CSMD1: variants seen among roughly 807,000 people sequenced by gnomAD.
The protein encoded by CSMD1 is CUB and Sushi multiple domains 1.
CSMD1 carries 213 observed loss-of-function variants against 417.5 expected under a neutral mutation model. The ratio of observed to expected loss-of-function variants is 0.51; its 90% confidence interval spans 0.46 to 0.57. The LOEUF is 0.57. Ranked by LOEUF, CSMD1 falls within the 20% of genes least tolerant of loss-of-function variation. CSMD1 has a pLI of 0.00. For synonymous variants in CSMD1, 2,862 were observed against 1,736.8 expected, an observed-to-expected ratio of 1.65 and a Z score of -16.11; for missense variants, 6,923 against 4,529.7, an observed-to-expected ratio of 1.53 and a Z score of -15.17.
At chr8:3,236,623 T>G (rs1261851812) in intron 26 of CSMD1, among the ~76,000 whole-genome samples, 1 of 152,228 alleles carries the variant, frequency 6.6e-6, no homozygotes, top group Non-Finnish European at 1.5e-5. Flanking sequence ...GGGCAGAAAC[T>G]GCTTTTCCAC....
At chr8:4,916,645 A>T (rs942850638) in intron 1 of CSMD1, among the ~76,000 whole-genome samples, 1 of 152,210 alleles carries the variant, frequency 6.6e-6, no homozygotes, top group Non-Finnish European at 1.5e-5. Context: ...CTCCAATAAA[A>T]ATACTTTACA....
chr8:4,421,777 G>GAAAAAAACA (rs1797259153), intron 2 of CSMD1, among the ~76,000 whole-genome samples: 1 of 148,082 alleles, frequency 6.8e-6, no homozygotes, highest in East Asian at 2.0e-4. Flanking sequence ...AACTATAAAA[G>GAAAAAAACA]AAAAAAACAA....
intron 3 of CSMD1, among the ~76,000 whole-genome samples, chr8:4,414,050 C>A (rs1796795213): frequency 6.6e-6 from 1 of 151,962 alleles, no homozygotes; most frequent in South Asian, 2.1e-4. Flanking sequence ...GGAAACATTT[C>A]TATCCTGCCA....
intron 10 of CSMD1, among the ~76,000 whole-genome samples, chr8:3,560,286 A>G (rs904695033): frequency 2.0e-5 from 3 of 152,196 alleles, no homozygotes; most frequent in Non-Finnish European, 4.4e-5. Flanking sequence ...GCATTTCCAC[A>G]TGCATCATTT....
chr8:3,435,100 G>C (rs76922189), intron 12 of CSMD1, among the ~76,000 whole-genome samples: 7,847 of 152,150 alleles, frequency 0.052, 260 homozygotes, highest in East Asian at 0.16. Context: ...AAGAGAGACG[G>C]AGAGACAGCA....
intron 5 of CSMD1, among the ~76,000 whole-genome samples, chr8:3,917,601 G>C (rs965738223): frequency 1.4e-5 from 1 of 71,776 alleles, no homozygotes; most frequent in Non-Finnish European, 2.8e-5. Flanking sequence ...GTTCAGATTG[G>C]CTTCATATTT....
At chr8:4,980,985 T>G (rs1810858297) in intron 1 of CSMD1, among the ~76,000 whole-genome samples, 1 of 152,194 alleles carries the variant, frequency 6.6e-6, no homozygotes, top group Admixed American at 6.5e-5. Context: ...TCTTCAATTT[T>G]TTTAAATTTA....
chr8:3,755,062 T>C (rs938341755), intron 5 of CSMD1, among the ~76,000 whole-genome samples: 3 of 152,352 alleles, frequency 2.0e-5, no homozygotes, highest in Admixed American at 6.5e-5. Context: ...TCAGAAACAA[T>C]CATGTGTTTT....
At chr8:3,235,652 C>A (rs1799105148) in intron 26 of CSMD1, among the ~76,000 whole-genome samples, 1 of 152,150 alleles carries the variant, frequency 6.6e-6, no homozygotes, top group Non-Finnish European at 1.5e-5. Context: ...TCTTAAGATC[C>A]TTCCAAATAG....
At chr8:3,929,458 C>A (rs991648380) in intron 5 of CSMD1, among the ~76,000 whole-genome samples, 3 of 150,384 alleles carry the variant, frequency 2.0e-5, no homozygotes, top group South Asian at 4.3e-4. Flanking sequence ...GGGGACAGAA[C>A]AAATCAGCTA....
chr8:4,715,190 A>G (rs535547907), intron 1 of CSMD1, among the ~76,000 whole-genome samples: 1 of 152,358 alleles, frequency 6.6e-6, no homozygotes, highest in East Asian at 1.9e-4. Flanking sequence ...GCAGAAAAAG[A>G]AAACGAAGAA....
At chr8:3,411,519 C>T (rs893493121) in intron 12 of CSMD1, among the ~76,000 whole-genome samples, 8 of 151,662 alleles carry the variant, frequency 5.3e-5, no homozygotes, top group Non-Finnish European at 5.9e-5. Flanking sequence ...GCTTAGCTCC[C>T]ACTTATGAGT....
intron 3 of CSMD1, among the ~76,000 whole-genome samples, chr8:4,402,771 T>G (rs1005239023): frequency 6.6e-6 from 1 of 151,460 alleles, no homozygotes; most frequent in Non-Finnish European, 1.5e-5. Context: ...ATGCCCTTGA[T>G]GCTGTGAGTA....
intron 3 of CSMD1, among the ~76,000 whole-genome samples, chr8:4,358,616 G>A (rs562929675): frequency 6.6e-6 from 1 of 152,248 alleles, no homozygotes; most frequent in South Asian, 2.1e-4. Context: ...GTCTAACAGG[G>A]TATAACTATA....
chr8:3,367,426 G>A lies in CSMD1; in HGVS notation c.2900-179C>T, dbSNP rs535432414. On this transcript the variant is annotated intron_variant, in intron 19 of 69. Coordinates refer to ENST00000635120, the MANE Select transcript of CSMD1 (RefSeq NM_033225.6). ...GTAATAGCCACAGAGAGACAGAGAT[G>A]ATAAAGAGATGAGACAGAGATGGAG... 3.8e-4 allele frequency among the ~76,000 whole-genome samples: 58 copies of A among 151,906 alleles called. 2 individuals are homozygous for A. The highest frequency in any genetic ancestry group is 1.4e-3 in the African/African-American group (56 of 41,436).
chr8:4,444,957 T>G (rs942553696), intron 2 of CSMD1, among the ~76,000 whole-genome samples: 2 of 152,204 alleles, frequency 1.3e-5, no homozygotes, highest in South Asian at 2.1e-4. Context: ...CTGGGAAATC[T>G]CCACTGTGTT....
intron 12 of CSMD1, among the ~76,000 whole-genome samples, chr8:3,461,804 G>C (rs1005453465): frequency 1.3e-5 from 2 of 152,210 alleles, no homozygotes; most frequent in Non-Finnish European, 2.9e-5. Context: ...ACGTGTGATA[G>C]AACACGGACA....
At chr8:4,765,363 G>A (rs11776753) in intron 1 of CSMD1, among the ~76,000 whole-genome samples, 26,338 of 152,150 alleles carry the variant, frequency 0.17, 2,788 homozygotes, top group East Asian at 0.31. Context: ...CAAAACTGAA[G>A]AAGCACATCA....
intron 1 of CSMD1, among the ~76,000 whole-genome samples, chr8:4,651,797 G>T (rs1253088328): frequency 2.0e-5 from 3 of 152,138 alleles, no homozygotes; most frequent in South Asian, 2.1e-4. Flanking sequence ...ATTATTAGGG[G>T]TGACCTAATT....
Sources: gnomAD v4.1 joint callset for allele counts (sites outside exome capture counted in the v4.1 genomes callset) on GRCh38, gnomAD v4.1.1 for gene constraint, MANE v1.5 for transcripts, NCBI Gene and HGNC (gene_info 2026-07-23, HGNC 2026-07-21) for gene names.